Variants in MRLN observed in about 807,000 individuals in gnomAD.
MRLN encodes myoregulin, also known as Linc-RNA activator of myogenesis.
chr10:59,745,262 C>A (rs1841031886), intron 1 of MRLN, among the ~76,000 whole-genome samples: 1 of 151,994 alleles, frequency 6.6e-6, no homozygotes, highest in African/African-American at 2.4e-5. Flanking sequence ...CTGATAGAAA[C>A]ATGTACCAAA....
At chr10:59,741,587 T>C (rs1840984329) in intron 1 of MRLN, among the ~76,000 whole-genome samples, 2 of 152,158 alleles carry the variant, frequency 1.3e-5, no homozygotes, top group South Asian at 4.1e-4. Context: ...TTTTGCCACG[T>C]TGCCCAGGCT....
intron 1 of MRLN, among the ~76,000 whole-genome samples, chr10:59,752,209 C>T (rs1488869503): frequency 1.3e-5 from 2 of 152,102 alleles, no homozygotes; most frequent in Non-Finnish European, 1.5e-5. Flanking sequence ...AGTCAGATAT[C>T]GCCTCTACAG....
chr10:59,742,345 T>A (rs1840992483), intron 1 of MRLN, among the ~76,000 whole-genome samples: 1 of 152,166 alleles, frequency 6.6e-6, no homozygotes, highest in South Asian at 2.1e-4. Context: ...GCATTGAATT[T>A]TAAAAAGCAA....
intron 1 of MRLN, among the ~76,000 whole-genome samples, chr10:59,752,577 G>C (rs886118371): frequency 6.6e-6 from 1 of 152,180 alleles, no homozygotes; most frequent in African/African-American, 2.4e-5. Context: ...TTATTTAGAA[G>C]CCTGGTGCAC....
intron 1 of MRLN, among the ~76,000 whole-genome samples, chr10:59,750,090 G>GCCT (rs1841085747): frequency 2.4e-5 from 1 of 42,056 alleles, no homozygotes. Context: ...TTTTTTTTTT[G>GCCT]AGACGGAGTT....
chr10:59,743,391 T>C (rs1841005107), intron 1 of MRLN, among the ~76,000 whole-genome samples: 1 of 152,148 alleles, frequency 6.6e-6, no homozygotes, highest in South Asian at 2.1e-4. Flanking sequence ...ATAACAAATA[T>C]GAATGAAAGG....
At chr10:59,748,831 C>G (rs1005018748) in intron 1 of MRLN, among the ~76,000 whole-genome samples, 2 of 152,232 alleles carry the variant, frequency 1.3e-5, no homozygotes, top group Admixed American at 6.5e-5. Context: ...CACCCTCCAA[C>G]ATCTTTGATT....
chr10:59,740,880 C>T (rs2132587833), intron 1 of MRLN, among the ~76,000 whole-genome samples: 1 of 151,692 alleles, frequency 6.6e-6, no homozygotes, highest in Middle Eastern at 3.4e-3. Context: ...ACACTGCAAC[C>T]TCTTCCTCCT....
chr10:59,747,807 A>T (rs1841057665), intron 1 of MRLN, among the ~76,000 whole-genome samples: 2 of 152,236 alleles, frequency 1.3e-5, no homozygotes, highest in Admixed American at 1.3e-4. Context: ...GACACTAATT[A>T]GTTCTCAAAA....
At chr10:59,743,128 T>C (rs1039172271) in intron 1 of MRLN, among the ~76,000 whole-genome samples, 12 of 152,158 alleles carry the variant, frequency 7.9e-5, no homozygotes, top group Non-Finnish European at 1.8e-4. Flanking sequence ...ATAGTGGCCA[T>C]AGTTGTGAAG....
chr10:59,750,016 TTTCTC>T (rs1368016278), intron 1 of MRLN, among the ~76,000 whole-genome samples: 1 of 150,678 alleles, frequency 6.6e-6, no homozygotes, highest in African/African-American at 2.4e-5. Flanking sequence ...AGCCACTGTG[TTTCTC>T]TTCTCTTCAA....
Position 59,737,215 on chromosome 10 carries a change from C to T in MRLN, c.-15G>A, listed in dbSNP as rs756119003. ...TTACCAGTCATATCCAGAATTATCC[C>T]GCTCCCTAGGAAAAAAGAGAAAAGT... On this transcript the variant is annotated 5_prime_UTR_variant, in exon 3 of 3. Coordinates refer to ENST00000414264, the MANE Select transcript of MRLN (RefSeq NM_001304731.2). The T allele has an allele frequency of 2.1e-4, 84 of 396,018 alleles. No homozygotes were observed. Among genetic ancestry groups the T allele is most frequent in the African/African-American group, 7.0e-4 (34 of 48,480 alleles). The allele number at this position is 396,018 out of a possible 1,614,324, so 24.5% of individuals were successfully genotyped here.
intron 1 of MRLN, among the ~76,000 whole-genome samples, chr10:59,751,939 G>A (rs1207033749): frequency 2.0e-5 from 3 of 152,098 alleles, no homozygotes; most frequent in Non-Finnish European, 4.4e-5. Flanking sequence ...ATGTGGCAAG[G>A]GTGGAAACCA....
intron 1 of MRLN, among the ~76,000 whole-genome samples, chr10:59,746,746 G>T (rs1841047702): frequency 6.6e-6 from 1 of 152,174 alleles, no homozygotes; most frequent in South Asian, 2.1e-4. Flanking sequence ...CTTTGTAAAT[G>T]GGACATTGCC....
chr10:59,740,063 C>G (rs1304946405), intron 1 of MRLN, among the ~76,000 whole-genome samples: 1 of 150,822 alleles, frequency 6.6e-6, no homozygotes, highest in Non-Finnish European at 1.5e-5. Flanking sequence ...TGCACTCCAG[C>G]CTGGGAGATG....
chr10:59,745,227 G>A (rs1452666333), intron 1 of MRLN, among the ~76,000 whole-genome samples: 7 of 152,124 alleles, frequency 4.6e-5, no homozygotes. Flanking sequence ...GTAATTTTCA[G>A]GATGAAATAT....
intron 1 of MRLN, among the ~76,000 whole-genome samples, chr10:59,745,119 AAAAT>A (rs1841030281): frequency 1.3e-5 from 2 of 149,266 alleles, no homozygotes; most frequent in Admixed American, 6.6e-5. Flanking sequence ...TACTAAAAAA[AAAAT>A]AAAATAAAAT....
chr10:59,750,061 T>A (rs1396489198), intron 1 of MRLN, among the ~76,000 whole-genome samples: 2 of 111,034 alleles, frequency 1.8e-5, no homozygotes, highest in East Asian at 5.6e-4. Flanking sequence ...TCTCTCTCTC[T>A]CTTTTTTTTT....
chr10:59,747,873 C>T (rs1222362671), intron 1 of MRLN, among the ~76,000 whole-genome samples: 3 of 152,202 alleles, frequency 2.0e-5, no homozygotes, highest in Non-Finnish European at 4.4e-5. Context: ...TGAAAGTTCA[C>T]TTTGTCCAAA....
Sources: allele counts gnomAD v4.1 joint callset (sites outside exome capture counted in the v4.1 genomes callset), GRCh38; gene constraint gnomAD v4.1.1; transcripts MANE v1.5; gene names NCBI Gene and HGNC (gene_info 2026-07-23, HGNC 2026-07-21).